Variants in CELF1 observed in about 807,000 individuals in gnomAD.
CELF1 encodes the protein CUGBP Elav-like family member 1, also known as 50 kDa nuclear polyadenylated RNA-binding protein.
In CELF1, 10 loss-of-function variants were observed where a neutral mutation model predicts 61.8. The ratio of observed to expected loss-of-function variants is 0.16; its 90% CI spans 0.10 to 0.27. CELF1 has a LOEUF of 0.27. Among genes scored for constraint, CELF1 ranks in the 10% least tolerant of loss-of-function variants. The pLI is 1.00. For synonymous variants in CELF1, 236 were observed against 225.1 expected, an observed-to-expected ratio of 1.05 and a Z score of -0.43; for missense variants, 380 against 639.1, an observed-to-expected ratio of 0.59 and a Z score of 4.37.
chr11:47,483,341 C>G (rs1383942377), intron 8 of CELF1, 112 bp downstream of exon 8: 1 of 778,804 alleles, frequency 1.3e-6, no homozygotes, highest in East Asian at 2.5e-5. Flanking sequence ...AAGATGTTGG[C>G]TGTTTAACCT....
intron 1 of CELF1, among the ~76,000 whole-genome samples, chr11:47,551,729 CCGGGCGG>C (rs2097141690): frequency 6.6e-6 from 1 of 152,118 alleles, no homozygotes; most frequent in African/African-American, 2.4e-5. Context: ...AGGTGAAGTT[CCGGGCGG>C]GGGCGGTGGC....
intron 1 of CELF1, among the ~76,000 whole-genome samples, chr11:47,543,825 A>G (rs1342311596): frequency 6.6e-6 from 1 of 152,226 alleles, no homozygotes; most frequent in African/African-American, 2.4e-5. Flanking sequence ...TTACAAAGCA[A>G]ATAGCTAAAA....
At chr11:47,498,565 T>C (rs145087065) in intron 3 of CELF1, among the ~76,000 whole-genome samples, 2 of 152,328 alleles carry the variant, frequency 1.3e-5, no homozygotes, top group African/African-American at 4.8e-5. Context: ...TAACACTTGT[T>C]ATCTAGAGAA....
At position 47,468,399 on chromosome 11, in the gene CELF1, G is replaced by A. The variant is rs2077034794; in HGVS notation, c.*3831C>T. 4 of 152,594 alleles carry A rather than the reference G, an allele frequency of 2.6e-5. No individual in the cohort carries two copies. The South Asian group carries it at 8.3e-4, about 32-fold the overall frequency. 9.5% of individuals were successfully genotyped at this position (152,594 alleles called of 1,614,324 possible). A position where few individuals can be genotyped will look rare whatever the true frequency, so the allele number is the denominator to read the frequency against. Reference sequence around the variant, plus strand: ...CAAAATGTGCTCAGGAGCCTCAGAGGTTTTAGTGACATCTTTTATTTCATT... The same window carrying A: ...CAAAATGTGCTCAGGAGCCTCAGAGATTTTAGTGACATCTTTTATTTCATT... On this transcript the variant is annotated 3_prime_UTR_variant, in exon 15 of 15. Transcript: ENST00000687097.
At chr11:47,489,665 C>G (rs1356133455) in intron 3 of CELF1, among the ~76,000 whole-genome samples, 1 of 152,162 alleles carries the variant, frequency 6.6e-6, no homozygotes, top group Non-Finnish European at 1.5e-5. Context: ...ATGTTACCAT[C>G]ATTTTAGATT....
intron 1 of CELF1, among the ~76,000 whole-genome samples, chr11:47,517,344 G>A (rs1213070609): frequency 1.3e-5 from 2 of 150,900 alleles, no homozygotes; most frequent in East Asian, 3.9e-4. Context: ...TCTTGTATCT[G>A]ATGTATACAA....
In CELF1 at chr11:47,533,635, A is replaced by AATAAATAC. The variant is rs111856198; in HGVS notation, c.-154+19356_-154+19357insGTATTTAT. Reference sequence around the variant, plus strand: ...GAGACTCCATTTCAAAAAATAAATAAATACATACATACATACATACATAAA... The same window carrying AATAAATAC: ...GAGACTCCATTTCAAAAAATAAATAAATAAATACATACATACATACATACATACATAAA... On this transcript the variant is annotated intron_variant, in intron 1 of 14. Coordinates refer to ENST00000687097, the MANE Select transcript of CELF1 (RefSeq NM_001376376.1). Among the ~76,000 whole-genome samples the AATAAATAC allele has an allele frequency of 6.7e-3, 1,003 of 148,850 alleles. 11 individuals are homozygous for AATAAATAC. The highest frequency in any genetic ancestry group is 0.018 in the African/African-American group (738 of 40,396).
At chr11:47,489,774 T>C (rs772836390) in intron 3 of CELF1, among the ~76,000 whole-genome samples, 1 of 152,088 alleles carries the variant, frequency 6.6e-6, no homozygotes, top group Non-Finnish European at 1.5e-5. Context: ...GTTTCTCTAG[T>C]CCTATCACAT....
chr11:47,553,014 C>CGCTGCCTCAGTT lies in CELF1; in HGVS notation c.-188_-177dup, dbSNP rs551847315. 9.7e-3 allele frequency: 3,882 copies of CGCTGCCTCAGTT among 398,400 alleles called. 149 individuals carry two copies. The highest frequency in any genetic ancestry group is 0.072 in the African/African-American group (3,499 of 48,652). The allele number at this position is 398,400 out of a possible 1,614,324, so 24.7% of individuals were successfully genotyped here. A position where few individuals can be genotyped will look rare whatever the true frequency, so the allele number is the denominator to read the frequency against. On this transcript the variant is annotated 5_prime_UTR_variant, in exon 1 of 15. Transcript: ENST00000687097. The stretch of plus-strand genomic sequence containing the variant: ...CACCAGCGGCTGCACCTGAGCCTGC[C>CGCTGCCTCAGTT]GCTGCCTCAGTTGCTGCCTGCGCCT...
intron 1 of CELF1, among the ~76,000 whole-genome samples, chr11:47,527,253 T>C (rs1221411210): frequency 6.6e-6 from 1 of 152,078 alleles, no homozygotes; most frequent in Non-Finnish European, 1.5e-5. Flanking sequence ...TAGCCGGACA[T>C]GGTGGCACGT....
At chr11:47,554,195 A>T (rs1338745378), upstream of CELF1, among the ~76,000 whole-genome samples, 10 of 151,916 alleles carry the variant, frequency 6.6e-5, no homozygotes, top group African/African-American at 2.2e-4. Context: ...TTGGGGGGGA[A>T]AAAAACTAAC....
At chr11:47,481,102 CT>C (rs1187959061) in intron 9 of CELF1, among the ~76,000 whole-genome samples, 1,994 of 71,216 alleles carry the variant, frequency 0.028, 1 homozygote, top group African/African-American at 0.11. Context: ...TTTTCTTCTT[CT>C]TTTTTTTTTT....
At chr11:47,531,567 TCAAACAAA>T (rs112404433) in intron 1 of CELF1, among the ~76,000 whole-genome samples, 3 of 150,966 alleles carry the variant, frequency 2.0e-5, no homozygotes, top group South Asian at 2.1e-4. Flanking sequence ...AGACTCCATC[TCAAACAAA>T]CAAACAAACA....
chr11:47,534,495 G>A (rs890608374), intron 1 of CELF1, among the ~76,000 whole-genome samples: 4 of 152,022 alleles, frequency 2.6e-5, no homozygotes, highest in African/African-American at 4.8e-5. Context: ...GGGAGGCCAA[G>A]GCAGACAGAT....
intron 1 of CELF1, among the ~76,000 whole-genome samples, chr11:47,527,594 T>C (rs1171624495): frequency 6.6e-6 from 1 of 152,196 alleles, no homozygotes; most frequent in African/African-American, 2.4e-5. Flanking sequence ...TCATTGTATA[T>C]ACTGGCTTAT....
At chr11:47,558,746 A>G (rs1174332665) in intron 2 of CELF1, among the ~76,000 whole-genome samples, 1 of 114,718 alleles carries the variant, frequency 8.7e-6, no homozygotes, top group African/African-American at 3.5e-5. Context: ...AATTGTATAT[A>G]TAATATATAT....
At position 47,504,950 on chromosome 11, in the gene CELF1, C is replaced by T. The variant is rs1385935705; in HGVS notation, c.-153-4018G>A. On this transcript the variant is annotated intron_variant, in intron 1 of 14. Transcript: ENST00000687097. ...CCATTTCAAATCTAAAATCACTGTACCAAAAAAGCACTACATTTAATAATT... is the reference window on the plus strand; with the variant it reads ...CCATTTCAAATCTAAAATCACTGTATCAAAAAAGCACTACATTTAATAATT... 1.3e-5 allele frequency among the ~76,000 whole-genome samples: 2 copies of T among 149,624 alleles called. 1 individual carries two copies. Among genetic ancestry groups the T allele is most frequent in the Non-Finnish European group, 3.0e-5 (2 of 67,030 alleles).
At chr11:47,489,927 A>T (rs1202111098) in intron 3 of CELF1, among the ~76,000 whole-genome samples, 1 of 44,206 alleles carries the variant, frequency 2.3e-5, no homozygotes, top group Non-Finnish European at 5.1e-5. Context: ...CTCAGAACAT[A>T]CCATCTTGTT....
At chr11:47,548,231 A>G (rs966263774) in intron 1 of CELF1, among the ~76,000 whole-genome samples, 3 of 151,556 alleles carry the variant, frequency 2.0e-5, no homozygotes, top group African/African-American at 4.8e-5. Flanking sequence ...CCAGGGCGAC[A>G]GAGATTGCAG....
Sources: gnomAD v4.1 joint callset for allele counts (sites outside exome capture counted in the v4.1 genomes callset) on GRCh38, gnomAD v4.1.1 for gene constraint, MANE v1.5 for transcripts, NCBI Gene and HGNC (gene_info 2026-07-23, HGNC 2026-07-21) for gene names.